The following PCDHGB1 variants were observed in gnomAD, a reference collection of about 807,000 sequenced individuals.
PCDHGB1 encodes the protein protocadherin gamma subfamily B, 1, also known as protocadherin gamma-B1.
PCDHGB1 carries 34 observed loss-of-function variants against 56.6 expected under a neutral mutation model. That is an observed-to-expected ratio of 0.60 (90% CI 0.46 to 0.80). The LOEUF (loss-of-function observed/expected upper bound fraction) is 0.80. Ranked by LOEUF, PCDHGB1 falls within the 30% of genes least tolerant of loss-of-function variation. PCDHGB1 has a pLI of 0.00. For synonymous variants in PCDHGB1, 561 were observed against 505.9 expected (o/e 1.11, Z -1.46); for missense variants, 1,278 against 1,204.6 (o/e 1.06, Z -0.90).
At chr5:141,482,852 A>G (rs1237049208) in intron 1 of PCDHGB1, among the ~76,000 whole-genome samples, 1 of 144,420 alleles carries the variant, frequency 6.9e-6, no homozygotes, top group Non-Finnish European at 1.5e-5. Flanking sequence ...TGGGCAGATC[A>G]CTTGAGGTCA....
At chr5:141,393,158 ACT>A (rs768666493) in intron 1 of PCDHGB1, 1 of 1,613,126 alleles carries the variant, frequency 6.2e-7, no homozygotes, top group East Asian at 2.2e-5. Context: ...ATAAAGGAAA[ACT>A]CTTTGGGGTA....
At chr5:141,371,656 C>T (rs772257649) in intron 1 of PCDHGB1, 6 of 1,613,886 alleles carry the variant, frequency 3.7e-6, no homozygotes, top group African/African-American at 1.3e-5. Context: ...TACAATGTGA[C>T]GATCACAGCT....
chr5:141,352,746 TAACC>T (rs1759100754), intron 1 of PCDHGB1, 77 bp downstream of exon 1: 2 of 1,439,708 alleles, frequency 1.4e-6, no homozygotes, highest in South Asian at 2.6e-5. Context: ...TCCCAGCACT[TAACC>T]AGGCTGAGGC....
intron 1 of PCDHGB1, chr5:141,402,966 C>G (rs749578447): frequency 6.8e-6 from 11 of 1,605,942 alleles, no homozygotes; most frequent in Non-Finnish European, 8.5e-6. Context: ...GCAGCTCCAA[C>G]CAAATGCCAG....
chr5:141,423,437 C>CACGT (rs766166209), intron 1 of PCDHGB1: 1 of 1,613,952 alleles, frequency 6.2e-7, no homozygotes, highest in Non-Finnish European at 8.5e-7. Context: ...GCAGGTATGC[C>CACGT]CACGTCACAT....
chr5:141,420,415 T>G, intron 1 of PCDHGB1: 1 of 1,217,298 alleles, frequency 8.2e-7, no homozygotes, highest in Non-Finnish European at 1.1e-6. Flanking sequence ...TTATCATTAT[T>G]AAAACAAAAG....
intron 1 of PCDHGB1, among the ~76,000 whole-genome samples, chr5:141,381,832 T>C (rs1244036161): frequency 1.7e-4 from 23 of 135,134 alleles, no homozygotes; most frequent in African/African-American, 6.3e-4. Context: ...TCTTCTTTTT[T>C]TTTTTTTTTT....
At chr5:141,438,629 TATATATACAC>T (rs1412065186) in intron 1 of PCDHGB1, among the ~76,000 whole-genome samples, 590 of 47,950 alleles carry the variant, frequency 0.012, no homozygotes, top group African/African-American at 0.039. Flanking sequence ...TATATATATA[TATATATACAC>T]ACACACACAC....
At chr5:141,393,747 T>C (rs1375394315) in intron 1 of PCDHGB1, 1 of 1,613,866 alleles carries the variant, frequency 6.2e-7, no homozygotes, top group Admixed American at 1.7e-5. Flanking sequence ...TTATGAAGAA[T>C]GTTCATTTTA....
chr5:141,421,505 G>A (rs745883683), intron 1 of PCDHGB1: 3 of 1,614,058 alleles, frequency 1.9e-6, no homozygotes, highest in South Asian at 1.1e-5. Context: ...AGGATAGACC[G>A]GGAGGAGCTC....
Position 141,491,925 on chromosome 5 carries a change from G to C in PCDHGB1, c.2410-2882G>C. On this transcript the variant is annotated intron_variant, in intron 1 of 3. Coordinates refer to ENST00000523390, the MANE Select transcript of PCDHGB1 (RefSeq NM_018922.3). This position sits in a 1 kb window ranked among gnomAD's most constrained non-coding sequence, Gnocchi z 6.9. ...GGGTGGTGGCGACTGTGGGCGAGGG[G>C]AGGTGGGACCGACCCCCACCCCTAC... 1 of 1,325,176 alleles carries C rather than the reference G, an allele frequency of 7.5e-7. No individual in the cohort carries two copies. Among genetic ancestry groups the C allele is most frequent in the Non-Finnish European group, 1.0e-6 (1 of 987,300 alleles). The allele number at this position is 1,325,176 out of a possible 1,614,324, so 82.1% of individuals were successfully genotyped here.
At chr5:141,368,027 C>A (rs1267918873) in intron 1 of PCDHGB1, among the ~76,000 whole-genome samples, 1 of 152,084 alleles carries the variant, frequency 6.6e-6, no homozygotes, top group Non-Finnish European at 1.5e-5. Flanking sequence ...GCCTCAAATT[C>A]CAGGAGGATG....
intron 1 of PCDHGB1, chr5:141,427,525 CG>C (rs996050026): frequency 4.9e-6 from 3 of 612,098 alleles, no homozygotes; most frequent in Non-Finnish European, 9.2e-6. Flanking sequence ...GAGCGGATCC[CG>C]GAGTACAACG....
At position 141,395,537 on chromosome 5, in the gene PCDHGB1, A is replaced by T. The variant is rs946783125; in HGVS notation, c.2409+42868A>T. 3.3e-5 allele frequency: 8 copies of T among 243,972 alleles called. No homozygotes were observed. In the African/African-American group the frequency reaches 3.8e-4, roughly 12 times the overall value. 15.1% of individuals were successfully genotyped at this position (243,972 alleles called of 1,614,324 possible). On this transcript the variant is annotated intron_variant, in intron 1 of 3. Transcript: ENST00000523390. ...ACCCGTCCATACTGGTAATTTTGCT[A>T]TTGTTTGTGTGTGTGTGTGTGTGTG...
chr5:141,387,687 G>A, intron 1 of PCDHGB1: 1 of 808,412 alleles, frequency 1.2e-6, no homozygotes, highest in Non-Finnish European at 1.9e-6. Context: ...CGCAGCCGCA[G>A]CGCGCTTTCC....
chr5:141,433,223 T>C lies in PCDHGB1; in HGVS notation c.2410-61584T>C, dbSNP rs2097577369. On this transcript the variant is annotated intron_variant, in intron 1 of 3. Coordinates refer to ENST00000523390, the MANE Select transcript of PCDHGB1 (RefSeq NM_018922.3). The stretch of plus-strand genomic sequence containing the variant: ...AATCTTCTTTCTTTTTTTTTTTTAA[T>C]TGCTCTGTCTCCCAAGCTGGAATGC... The C allele has an allele frequency of 4.6e-6, 7 of 1,525,952 alleles. No individual in the cohort carries two copies. In the East Asian group the frequency reaches 1.6e-4, roughly 34 times the overall value. The allele number at this position is 1,525,952 out of a possible 1,614,324, so 94.5% of individuals were successfully genotyped here. A position where few individuals can be genotyped will look rare whatever the true frequency, so the allele number is the denominator to read the frequency against.
chr5:141,505,246 G>C, intron 2 of PCDHGB1, 147 bp from the exon 3 acceptor site: 2 of 1,436,674 alleles, frequency 1.4e-6, no homozygotes, highest in Non-Finnish European at 1.9e-6. Flanking sequence ...AAGGATTGTA[G>C]AAGTGCCTCC....
intron 1 of PCDHGB1, chr5:141,379,157 G>A (rs962500873): frequency 1.3e-5 from 2 of 152,168 alleles, no homozygotes; most frequent in Non-Finnish European, 2.9e-5. Flanking sequence ...ACCTGACTTT[G>A]TCAGTCTTCT....
chr5:141,384,726 T>C (rs1561604051), intron 1 of PCDHGB1: 3 of 1,613,886 alleles, frequency 1.9e-6, no homozygotes. Flanking sequence ...ACCTCCTGCT[T>C]AAGGCCAGCG....
Sources: allele counts gnomAD v4.1 joint callset (sites outside exome capture counted in the v4.1 genomes callset), GRCh38; gene constraint gnomAD v4.1.1; non-coding constraint Gnocchi (gnomAD v3.1); transcripts MANE v1.5; gene names NCBI Gene and HGNC (gene_info 2026-07-23, HGNC 2026-07-21).